The following PTPRG variants were observed in gnomAD, a reference collection of about 807,000 sequenced individuals.
PTPRG encodes receptor-type tyrosine-protein phosphatase gamma.
Under a neutral mutation model 165.3 loss-of-function variants are expected in PTPRG, and 102 were observed. That is an observed-to-expected ratio of 0.62 (90% CI 0.53 to 0.73). The LOEUF is 0.73. Ranked by LOEUF, PTPRG falls within the 30% of genes least tolerant of loss-of-function variation. PTPRG has a pLI of 0.00. For missense variants in PTPRG, 1,866 were observed against 1,861.4 expected, an observed-to-expected ratio of 1.00 and a Z score of -0.05; for synonymous variants, 675 against 669.5, an observed-to-expected ratio of 1.01 and a Z score of -0.13.
chr3:61,964,846 T>C (rs1042508303), intron 2 of PTPRG, among the ~76,000 whole-genome samples: 4 of 152,142 alleles, frequency 2.6e-5, no homozygotes, highest in African/African-American at 7.2e-5. Context: ...TACTGTCTCA[T>C]TGACCTAGAA....
chr3:61,868,586 G>A (rs982557702), intron 2 of PTPRG, among the ~76,000 whole-genome samples: 1 of 152,126 alleles, frequency 6.6e-6, no homozygotes, highest in Admixed American at 6.5e-5. Flanking sequence ...TTCCTTGTGT[G>A]AGTTTGATTT....
At chr3:62,160,568 T>C (rs1704716014) in intron 7 of PTPRG, among the ~76,000 whole-genome samples, 2 of 152,230 alleles carry the variant, frequency 1.3e-5, no homozygotes, top group African/African-American at 4.8e-5. Flanking sequence ...GGACAACACA[T>C]GGAGATGGTT....
chr3:61,697,922 T>C (rs1273499700), intron 1 of PTPRG, among the ~76,000 whole-genome samples: 1 of 152,212 alleles, frequency 6.6e-6, no homozygotes, highest in African/African-American at 2.4e-5. Context: ...TTTTTATCCC[T>C]ACAACACCAA....
chr3:62,112,078 G>A (rs1259457702), intron 5 of PTPRG, among the ~76,000 whole-genome samples: 3 of 151,958 alleles, frequency 2.0e-5, no homozygotes, highest in African/African-American at 4.8e-5. Flanking sequence ...CCAGGTTGAA[G>A]CCCAGTCACT....
chr3:61,753,547 A>T, intron 2 of PTPRG: 1 of 442,962 alleles, frequency 2.3e-6, no homozygotes, highest in South Asian at 1.6e-5. Context: ...TGAAAAATAA[A>T]TCATAAATCT....
chr3:62,261,930 G>T (rs1419477001), intron 16 of PTPRG: 4 of 152,130 alleles, frequency 2.6e-5, no homozygotes, highest in Admixed American at 2.6e-4. Flanking sequence ...TGCTACATCT[G>T]TTCTGTGTAA....
At chr3:61,626,165 T>C (rs150994061) in intron 1 of PTPRG, among the ~76,000 whole-genome samples, 50 of 152,308 alleles carry the variant, frequency 3.3e-4, no homozygotes, top group African/African-American at 1.2e-3. Context: ...GCATCTCTTA[T>C]TGCTTCGTAG....
intron 2 of PTPRG, among the ~76,000 whole-genome samples, chr3:61,919,123 CAG>C (rs1287425019): frequency 6.6e-6 from 1 of 152,160 alleles, no homozygotes; most frequent in Non-Finnish European, 1.5e-5. Context: ...CATTCCCAGT[CAG>C]AGATCTGAAC....
chr3:62,101,404 CTA>C (rs1702286012), intron 5 of PTPRG, among the ~76,000 whole-genome samples: 1 of 152,224 alleles, frequency 6.6e-6, no homozygotes, highest in South Asian at 2.1e-4. Flanking sequence ...CATACGGAAT[CTA>C]TACCATGCCA....
In PTPRG at chr3:62,273,075, G is replaced by C. The variant is rs761377913; in HGVS notation, c.3312G>C (p.Gln1104His). 1 of 1,610,114 alleles carries C rather than the reference G, an allele frequency of 6.2e-7. No homozygotes were observed. The highest frequency in any genetic ancestry group is 8.5e-7 in the Non-Finnish European group (1 of 1,178,690). ...HIRTQRNYLVQTEEQYIFIHD... is the reference protein window; with the variant it reads ...HIRTQRNYLVHTEEQYIFIHD... The stretch of plus-strand genomic sequence containing the variant: ...GGACACAGCGTAACTACCTCGTCCA[G>C]ACTGAGGTAAGGAGTAGCTGCCAGC... Residue 1104 changes from glutamine (Q) to histidine (H), a missense_variant, in exon 22 of 30, where the codon CAG becomes CAC. Around this residue, in one of 3 missense-constraint regions of PTPRG, gnomAD observed 1,452 missense variants for 1,463.0 expected, o/e 0.99. Coordinates refer to ENST00000474889, the MANE Select transcript of PTPRG (RefSeq NM_002841.4). This position sits in a 1 kb window ranked among gnomAD's most constrained non-coding sequence, Gnocchi z 4.1.
chr3:61,923,211 A>G (rs899544880), intron 2 of PTPRG, among the ~76,000 whole-genome samples: 52 of 152,080 alleles, frequency 3.4e-4, no homozygotes, highest in African/African-American at 1.3e-3. Flanking sequence ...GTCTTCCCCA[A>G]ACTTCACAAA....
intron 1 of PTPRG, among the ~76,000 whole-genome samples, chr3:61,636,788 TG>T (rs1701921889): frequency 6.6e-6 from 1 of 152,232 alleles, no homozygotes; most frequent in East Asian, 1.9e-4. Flanking sequence ...GCTTTTTTTT[TG>T]TATGAAACAC....
intron 2 of PTPRG, among the ~76,000 whole-genome samples, chr3:61,836,992 C>A (rs550180321): frequency 6.6e-6 from 1 of 152,234 alleles, no homozygotes; most frequent in Non-Finnish European, 1.5e-5. Flanking sequence ...CTTACTGCAG[C>A]CTTCACCTCC....
chr3:62,034,915 A>G (rs924613878), intron 4 of PTPRG, among the ~76,000 whole-genome samples: 4 of 152,148 alleles, frequency 2.6e-5, no homozygotes, highest in Admixed American at 2.0e-4. Context: ...AACTTAGTCT[A>G]TGTGGCCATC....
At chr3:62,099,971 G>A (rs1398297865) in intron 5 of PTPRG, among the ~76,000 whole-genome samples, 1 of 151,726 alleles carries the variant, frequency 6.6e-6, no homozygotes, top group African/African-American at 2.4e-5. Flanking sequence ...GCTAATTTTT[G>A]TATTTTTAGT....
chr3:61,907,259 T>TCTCAA (rs752112739), intron 2 of PTPRG, among the ~76,000 whole-genome samples: 5 of 152,116 alleles, frequency 3.3e-5, no homozygotes, highest in Admixed American at 6.5e-5. Context: ...CGAGGGTGAC[T>TCTCAA]CTCAAATCTC....
chr3:61,672,612 G>A (rs1358208828), intron 1 of PTPRG, among the ~76,000 whole-genome samples: 27 of 151,104 alleles, frequency 1.8e-4, no homozygotes, highest in Non-Finnish European at 2.5e-4. Flanking sequence ...GCAGGCACTC[G>A]GCAGGCTGAG....
chr3:62,076,962 T>C (rs1701409470), intron 4 of PTPRG, among the ~76,000 whole-genome samples: 1 of 152,240 alleles, frequency 6.6e-6, no homozygotes, highest in Non-Finnish European at 1.5e-5. Context: ...ACCTGTGTTC[T>C]GCTTTTTGAA....
At chr3:62,290,883 A>T (rs6802885) in intron 28 of PTPRG, among the ~76,000 whole-genome samples, 152,224 of 152,228 alleles carry the variant, frequency 1, 76,110 homozygotes, top group Middle Eastern at 1. Context: ...AAGATTCCAA[A>T]AAAAGCCAAA....
Sources: gnomAD v4.1 joint callset for allele counts (sites outside exome capture counted in the v4.1 genomes callset) on GRCh38, gnomAD v4.1.1 for gene constraint, gnomAD v4.1.1 regional missense constraint, Gnocchi (gnomAD v3.1) non-coding constraint, MANE v1.5 for transcripts, NCBI Gene and HGNC (gene_info 2026-07-23, HGNC 2026-07-21) for gene names.